The following SLC35F5 variants were observed in gnomAD, a reference collection of about 807,000 sequenced individuals.
SLC35F5 encodes HCV NS5A-transactivated protein 3.
SLC35F5 carries 54 observed loss-of-function variants against 68.6 expected under a neutral mutation model. That is an observed-to-expected ratio of 0.79 (90% confidence interval 0.63 to 0.99). The LOEUF (loss-of-function observed/expected upper bound fraction) is 0.99, where lower values mean the gene tolerates loss of function less well. Ranked by LOEUF, SLC35F5 falls within the 50% of genes least tolerant of loss-of-function variation. SLC35F5 has a pLI of 0.00. For synonymous variants in SLC35F5, 211 were observed against 205.2 expected, an observed-to-expected ratio of 1.03 and a Z score of -0.24; for missense variants, 567 against 626.9, an observed-to-expected ratio of 0.90 and a Z score of 1.02.
At chr2:113,704,672 G>C (rs993398840), downstream of SLC35F5, among the ~76,000 whole-genome samples, 1 of 151,896 alleles carries the variant, frequency 6.6e-6, no homozygotes, top group African/African-American at 2.4e-5. Context: ...ATTGCCCGGG[G>C]CCGGCAGGGC....
intron 15 of SLC35F5, among the ~76,000 whole-genome samples, chr2:113,716,580 T>C (rs1357117882): frequency 6.6e-6 from 1 of 152,146 alleles, no homozygotes; most frequent in Non-Finnish European, 1.5e-5. Context: ...TCTGTCCTCG[T>C]TGATCTTAGT....
chr2:113,718,588 G>T (rs1687267129), intron 14 of SLC35F5, among the ~76,000 whole-genome samples: 1 of 152,030 alleles, frequency 6.6e-6, no homozygotes, highest in Non-Finnish European at 1.5e-5. Flanking sequence ...TTGTGGTTGG[G>T]AATTCAAGGC....
chr2:113,737,040 T>G (rs1253587643), intron 7 of SLC35F5, among the ~76,000 whole-genome samples: 1 of 152,168 alleles, frequency 6.6e-6, no homozygotes, highest in Non-Finnish European at 1.5e-5. Context: ...AAGCATATAC[T>G]AAGAGGTAGA....
At position 113,715,158 on chromosome 2, in the gene SLC35F5, C is replaced by CAG. The variant is rs762173767; in HGVS notation, c.*58_*59dup. ...AAACATTTTTTCTACAAAAACTTGC[C>CAG]AGAGATTGTCTCTTCGCTGTATAGT... On this transcript the variant is annotated 3_prime_UTR_variant, in exon 16 of 16. Transcript: ENST00000245680. The CAG allele has an allele frequency of 5.9e-5, 9 of 152,152 alleles. No homozygotes were observed. Among genetic ancestry groups the CAG allele is most frequent in the Non-Finnish European group, 1.2e-4 (8 of 68,000 alleles). The allele number at this position is 152,152 out of a possible 1,614,324, so 9.4% of individuals were successfully genotyped here.
At chr2:113,718,952 GAAGA>G (rs536754938) in intron 14 of SLC35F5, among the ~76,000 whole-genome samples, 198 bp downstream of exon 14, 3,263 of 146,882 alleles carry the variant, frequency 0.022, 55 homozygotes, top group Non-Finnish European at 0.03. Context: ...AGGAAGGAAG[GAAGA>G]AAGAAAGAAA....
Position 113,717,829 on chromosome 2 carries a change from C to T in SLC35F5, c.1518G>A (p.Gln506=). 6.2e-7 allele frequency: 1 copy of T among 1,611,626 alleles called. No individual in the cohort carries two copies. Among genetic ancestry groups the T allele is most frequent in the Non-Finnish European group, 8.5e-7 (1 of 1,178,872 alleles). ...TGTGCATAGAAATGAGACTCTCACACTGTTCGCTGTCTTCTGGAACTCTTA... is the reference window on the plus strand; with the variant it reads ...TGTGCATAGAAATGAGACTCTCACATTGTTCGCTGTCTTCTGGAACTCTTA... ...RIQRVPEDSE[Q]CESLISMHSV... Residue 506 remains glutamine, a synonymous_variant, in exon 15 of 16, where the codon CAG becomes CAA. Coordinates refer to ENST00000245680, the MANE Select transcript of SLC35F5 (RefSeq NM_025181.5).
At chr2:113,748,463 G>A (rs1676602778) in intron 4 of SLC35F5, among the ~76,000 whole-genome samples, 1 of 152,122 alleles carries the variant, frequency 6.6e-6, no homozygotes, top group Non-Finnish European at 1.5e-5. Context: ...TACCGCACCA[G>A]GCCCAATTCC....
rs200524678 is a variant in SLC35F5, at chr2:113,739,182, CA to C, written c.751-3325del. ...TTCAGGATCCCAACCCCAAAGGTAT[CA>C]AAATCCAAAGATGCTCAAGTCCCTT... On this transcript the variant is annotated intron_variant, in intron 7 of 15. Coordinates refer to ENST00000245680, the MANE Select transcript of SLC35F5 (RefSeq NM_025181.5). Among the ~76,000 whole-genome samples, 509 of 152,236 alleles carry C rather than the reference CA, an allele frequency of 3.3e-3. 9 individuals carry two copies. Among genetic ancestry groups the C allele is most frequent in the African/African-American group, 0.012 (489 of 41,538 alleles).
In SLC35F5 at chr2:113,707,694, G is replaced by A. The variant is rs532578194; in HGVS notation, c.*7524C>T. Among the ~76,000 whole-genome samples, 3 of 152,116 alleles carry A rather than the reference G, an allele frequency of 2.0e-5. No homozygotes were observed. The highest frequency in any genetic ancestry group is 4.4e-5 in the Non-Finnish European group (3 of 67,982). Reference sequence around the variant, plus strand: ...CCTACCTCAGCCTCACAAGTAGCTGGGACTACAGGCGTGCACCACCATGCC... The same window carrying A: ...CCTACCTCAGCCTCACAAGTAGCTGAGACTACAGGCGTGCACCACCATGCC... On this transcript the variant is annotated 3_prime_UTR_variant, in exon 16 of 16. Coordinates refer to ENST00000245680, the MANE Select transcript of SLC35F5 (RefSeq NM_025181.5).
In SLC35F5 at chr2:113,706,724, G is replaced by C. The variant is rs74436018; in HGVS notation, c.*8494C>G. On this transcript the variant is annotated 3_prime_UTR_variant, in exon 16 of 16. Transcript: ENST00000245680. The stretch of plus-strand genomic sequence containing the variant: ...GACTAAGGTGTGAAAGAATGAATGA[G>C]TGAAAATGTTTTAATAAAAGGAAAC... Among the ~76,000 whole-genome samples, 1 of 152,164 alleles carries C rather than the reference G, an allele frequency of 6.6e-6. No homozygotes were observed. The highest frequency in any genetic ancestry group is 2.4e-5 in the African/African-American group (1 of 41,450).
chr2:113,734,125 T>A (rs1687997709), intron 9 of SLC35F5, among the ~76,000 whole-genome samples: 3 of 152,240 alleles, frequency 2.0e-5, no homozygotes, highest in Non-Finnish European at 4.4e-5. Context: ...AGTGCAAAAC[T>A]GCCAAATGAA....
chr2:113,735,290 CA>C (rs1688043740), intron 8 of SLC35F5, among the ~76,000 whole-genome samples: 1 of 152,160 alleles, frequency 6.6e-6, no homozygotes, highest in Non-Finnish European at 1.5e-5. Flanking sequence ...TCATGCTTAA[CA>C]ACAGGGATAA....
At chr2:113,750,700 C>T (rs1676701549) in intron 3 of SLC35F5, 132 bp from the exon 4 acceptor site, 1 of 758,370 alleles carries the variant, frequency 1.3e-6, no homozygotes, top group Non-Finnish European at 2.0e-6. Context: ...AAAGCGATTA[C>T]AAAAGTATTT....
At chr2:113,736,249 G>C (rs1411161374) in intron 7 of SLC35F5, among the ~76,000 whole-genome samples, 1 of 150,782 alleles carries the variant, frequency 6.6e-6, no homozygotes, top group African/African-American at 2.4e-5. Context: ...GACCAGCCTG[G>C]GCAACACAGT....
rs191974942 is a variant in SLC35F5, at chr2:113,720,627, A to C, written c.1342-1319T>G. On this transcript the variant is annotated intron_variant, in intron 13 of 15. Transcript: ENST00000245680. The stretch of plus-strand genomic sequence containing the variant: ...TGAAATTACCAATATATTTTAACAT[A>C]TTCCTGGAATATTTGCCAGAATGAC... Among the ~76,000 whole-genome samples, 22 of 152,330 alleles carry C rather than the reference A, an allele frequency of 1.4e-4. No homozygotes were observed. The East Asian group carries it at 4.2e-3, about 29-fold the overall frequency.
In SLC35F5 at chr2:113,712,642, C is replaced by T. The variant is rs1272363164; in HGVS notation, c.*2576G>A. The T allele has an allele frequency of 6.6e-6, 1 of 152,194 alleles. No homozygotes were observed. Among genetic ancestry groups the T allele is most frequent in the Non-Finnish European group, 1.5e-5 (1 of 68,032 alleles). The allele number at this position is 152,194 out of a possible 1,614,324, so 9.4% of individuals were successfully genotyped here. On this transcript the variant is annotated 3_prime_UTR_variant, in exon 16 of 16. Transcript: ENST00000245680. The stretch of plus-strand genomic sequence containing the variant: ...AAAGCATTTACTGTTAAGGCTGCCT[C>T]ATTTTTCAGCTTTGTTGTAGTTGAG...
chr2:113,718,851 AAG>A (rs1483307247), intron 14 of SLC35F5, among the ~76,000 whole-genome samples: 1 of 147,012 alleles, frequency 6.8e-6, no homozygotes, highest in Non-Finnish European at 1.5e-5. Flanking sequence ...AGGAAAGAAA[AAG>A]AGAGAGAAAG....
At chr2:113,745,912 T>C (rs1407203671) in intron 5 of SLC35F5, among the ~76,000 whole-genome samples, 1 of 152,188 alleles carries the variant, frequency 6.6e-6, no homozygotes, top group African/African-American at 2.4e-5. Flanking sequence ...GTAAAAAATT[T>C]GTGGAACAAA....
chr2:113,750,464 T>C lies in SLC35F5; in HGVS notation c.378A>G (p.Gln126=). ...LGFIIWKPWR[Q]QCTRGLRGKH... is the part of the protein sequence containing the mutation. ...TTCCGCGAAGTCCTCTTGTACACTG[T>C]TGTCTCCATGGCTTCCAAATAATAA... Residue 126 remains glutamine (Q), a synonymous_variant, in exon 4 of 16, where the codon CAA becomes CAG. Transcript: ENST00000245680. 2 of 1,613,070 alleles carry C rather than the reference T, an allele frequency of 1.2e-6. No individual in the cohort carries two copies. Among genetic ancestry groups the C allele is most frequent in the Admixed American group, 1.7e-5 (1 of 59,790 alleles).
Sources: gnomAD v4.1 joint callset for allele counts (sites outside exome capture counted in the v4.1 genomes callset) on GRCh38, gnomAD v4.1.1 for gene constraint, MANE v1.5 for transcripts, NCBI Gene and HGNC (gene_info 2026-07-23, HGNC 2026-07-21) for gene names.